RGS7: variants seen among roughly 807,000 people sequenced by gnomAD.
RGS7 encodes regulator of G-protein signaling 7.
A neutral mutation model predicts 81.1 loss-of-function variants in RGS7; 27 were observed. That is an observed-to-expected ratio of 0.33 (90% CI 0.25 to 0.46). RGS7 has a LOEUF of 0.46. Among genes scored for constraint, RGS7 ranks in the 20% least tolerant of loss-of-function variants. RGS7 has a pLI of 1.00. For missense variants in RGS7, 396 were observed against 607.4 expected (o/e 0.65, Z 3.66); for synonymous variants, 208 against 207.7 (o/e 1.00, Z -0.01).
rs2502429 is a variant in RGS7, at chr1:241,091,968, T to G, written c.175+6698A>C. Among the ~76,000 whole-genome samples, 5 of 152,150 alleles carry G rather than the reference T, an allele frequency of 3.3e-5. No individual in the cohort carries two copies. The South Asian group carries it at 8.3e-4, about 25-fold the overall frequency. The stretch of plus-strand genomic sequence containing the variant: ...GAAATTATTTGGAAACATTAAAATA[T>G]TTTTTAAAATATTAAAAAAGCAATT... On this transcript the variant is annotated intron_variant, in intron 3 of 18. Transcript: ENST00000440928.
intron 9 of RGS7, among the ~76,000 whole-genome samples, chr1:240,836,561 G>A (rs1433096175): frequency 1.3e-5 from 2 of 152,186 alleles, no homozygotes; most frequent in Non-Finnish European, 2.9e-5. Context: ...CTGCTGAGAT[G>A]GGAAAGCCTG....
chr1:241,122,698 C>T (rs1383302013), intron 2 of RGS7, among the ~76,000 whole-genome samples: 2 of 151,560 alleles, frequency 1.3e-5, no homozygotes, highest in African/African-American at 2.4e-5. Context: ...CCTAACCTAC[C>T]GAACATCATA....
intron 3 of RGS7, among the ~76,000 whole-genome samples, chr1:241,037,486 C>T (rs1020761576): frequency 2.0e-5 from 3 of 152,136 alleles, no homozygotes; most frequent in Admixed American, 6.5e-5. Flanking sequence ...TTTGGGAGGC[C>T]GAGGCGGGCA....
At chr1:241,089,063 C>CTCTCTATATATATA (rs1374552672) in intron 3 of RGS7, among the ~76,000 whole-genome samples, 5 of 23,686 alleles carry the variant, frequency 2.1e-4, no homozygotes, top group African/African-American at 6.9e-4. Context: ...CTCTCTCTCT[C>CTCTCTATATATATA]TATATATATA....
rs970579034 is a variant in RGS7 at position 241,164,950 on chromosome 1, C to T, written c.79-66188G>A. Among the ~76,000 whole-genome samples, 1 of 152,202 alleles carries T rather than the reference C, an allele frequency of 6.6e-6. No homozygotes were observed. Among genetic ancestry groups the T allele is most frequent in the Non-Finnish European group, 1.5e-5 (1 of 68,032 alleles). ...TCGTAGAACTGAACTGTGTCATTCACATGCTGTCATATCCATCACATTTCC... is the reference window on the plus strand; with the variant it reads ...TCGTAGAACTGAACTGTGTCATTCATATGCTGTCATATCCATCACATTTCC... On this transcript the variant is annotated intron_variant, in intron 2 of 18. Coordinates refer to ENST00000440928, the MANE Select transcript of RGS7 (RefSeq NM_001364886.1). The surrounding 1 kb of genome is among the most constrained non-coding windows in gnomAD (Gnocchi z 4.1).
intron 2 of RGS7, among the ~76,000 whole-genome samples, chr1:241,281,771 A>G (rs2078524772): frequency 6.6e-6 from 1 of 152,206 alleles, no homozygotes; most frequent in Non-Finnish European, 1.5e-5. Flanking sequence ...TATAATATGT[A>G]TTATATATAC....
chr1:241,155,015 CAAGAT>C (rs967573119), intron 2 of RGS7, among the ~76,000 whole-genome samples: 1 of 152,124 alleles, frequency 6.6e-6, no homozygotes, highest in African/African-American at 2.4e-5. Flanking sequence ...TCACTATTCT[CAAGAT>C]AAACTGAAAA....
chr1:241,317,530 C>A (rs1203994306), intron 2 of RGS7, among the ~76,000 whole-genome samples: 1 of 152,208 alleles, frequency 6.6e-6, no homozygotes. Context: ...CTACTGTCAA[C>A]TCTTCAGCTG....
intron 6 of RGS7, among the ~76,000 whole-genome samples, chr1:240,886,476 T>C (rs944715476): frequency 4.6e-5 from 7 of 152,200 alleles, no homozygotes; most frequent in Admixed American, 3.3e-4. Context: ...TCTTGCTTAA[T>C]AAAATAACTG....
chr1:241,209,243 C>G (rs920973682), intron 2 of RGS7, among the ~76,000 whole-genome samples: 3 of 152,124 alleles, frequency 2.0e-5, no homozygotes, highest in Non-Finnish European at 4.4e-5. Flanking sequence ...ACACACTTAT[C>G]TATGTGTGAT....
chr1:241,058,781 G>C (rs2061601840), intron 3 of RGS7, among the ~76,000 whole-genome samples: 1 of 152,178 alleles, frequency 6.6e-6, no homozygotes, highest in Admixed American at 6.5e-5. Flanking sequence ...ATGAGGAGTT[G>C]GGATGGATTC....
intron 2 of RGS7, among the ~76,000 whole-genome samples, chr1:241,242,216 C>T (rs2076292830): frequency 6.6e-6 from 1 of 151,982 alleles, no homozygotes; most frequent in Non-Finnish European, 1.5e-5. Flanking sequence ...GCTTTCCATC[C>T]CTCAGTTACT....
intron 2 of RGS7, among the ~76,000 whole-genome samples, chr1:241,256,073 G>C (rs2077040450): frequency 6.6e-6 from 1 of 152,130 alleles, no homozygotes; most frequent in African/African-American, 2.4e-5. Context: ...GATCTTTTAA[G>C]ATACCAGTTA....
At chr1:240,905,704 C>T (rs1056814905) in intron 6 of RGS7, among the ~76,000 whole-genome samples, 7 of 152,048 alleles carry the variant, frequency 4.6e-5, no homozygotes, top group Non-Finnish European at 5.9e-5. Context: ...AAGTCCTGAG[C>T]GAATGTATTC....
At chr1:240,988,291 A>G (rs1473208155) in intron 3 of RGS7, among the ~76,000 whole-genome samples, 1 of 151,388 alleles carries the variant, frequency 6.6e-6, no homozygotes, top group Admixed American at 6.6e-5. Context: ...AAAGTTCTTC[A>G]TGCAATTATA....
intron 18 of RGS7, among the ~76,000 whole-genome samples, chr1:240,800,412 A>T (rs1687838619): frequency 6.6e-6 from 1 of 152,172 alleles, no homozygotes; most frequent in Non-Finnish European, 1.5e-5. Context: ...GGTAATTCAC[A>T]AGTAGAAATG....
intron 9 of RGS7, among the ~76,000 whole-genome samples, chr1:240,836,170 G>A (rs914116286): frequency 1.3e-5 from 2 of 150,224 alleles, no homozygotes. Context: ...GATAATGGGG[G>A]CGGCTGTGGG....
chr1:241,017,695 T>C (rs1243628571), intron 3 of RGS7, among the ~76,000 whole-genome samples: 1 of 152,132 alleles, frequency 6.6e-6, no homozygotes, highest in African/African-American at 2.4e-5. Flanking sequence ...GATGTTCTTC[T>C]ATAGTTTAAG....
At chr1:240,894,432 T>C (rs188971232) in intron 6 of RGS7, among the ~76,000 whole-genome samples, 42 of 152,188 alleles carry the variant, frequency 2.8e-4, no homozygotes, top group Non-Finnish European at 5.4e-4. Flanking sequence ...TGTTCTCTTC[T>C]GGGTCTAACA....
Sources: gnomAD v4.1 joint callset for allele counts (sites outside exome capture counted in the v4.1 genomes callset) on GRCh38, gnomAD v4.1.1 for gene constraint, Gnocchi (gnomAD v3.1) non-coding constraint, MANE v1.5 for transcripts, NCBI Gene and HGNC (gene_info 2026-07-23, HGNC 2026-07-21) for gene names.